PTPN5: variants seen among roughly 807,000 people sequenced by gnomAD.
PTPN5 encodes the protein tyrosine-protein phosphatase non-receptor type 5.
Under a neutral mutation model 73.9 loss-of-function variants are expected in PTPN5, and 29 were observed. The ratio of observed to expected loss-of-function variants is 0.39; its 90% CI spans 0.29 to 0.54. PTPN5 has a LOEUF of 0.54. Ranked by LOEUF, PTPN5 falls within the 20% of genes least tolerant of loss-of-function variation. The pLI is 0.65. For synonymous variants in PTPN5, 267 were observed against 304.7 expected (o/e 0.88, Z 1.29); for missense variants, 652 against 751.4 (o/e 0.87, Z 1.55).
intron 2 of PTPN5, among the ~76,000 whole-genome samples, chr11:18,768,941 C>A (rs375938730): frequency 9.2e-5 from 14 of 152,166 alleles, no homozygotes; most frequent in African/African-American, 3.4e-4. Flanking sequence ...TCCTTCCCCA[C>A]TTCTATCAGC....
chr11:18,749,677 C>T (rs1314645821), intron 3 of PTPN5, among the ~76,000 whole-genome samples: 4 of 152,156 alleles, frequency 2.6e-5, no homozygotes, highest in Non-Finnish European at 5.9e-5. Flanking sequence ...AGGCAAATGG[C>T]CTTCAGATTT....
intron 4 of PTPN5, chr11:18,743,782 T>G: frequency 1.7e-6 from 1 of 587,704 alleles, no homozygotes; most frequent in Non-Finnish European, 2.9e-6. Context: ...GTGTTCTGGA[T>G]TCTTAGGTTA....
Position 18,744,060 on chromosome 11 carries a change from G to T in PTPN5, c.237C>A (p.Ser79Arg), listed in dbSNP as rs1171407632. 5 of 1,609,346 alleles carry T rather than the reference G, an allele frequency of 3.1e-6. No homozygotes were observed. In the South Asian group the frequency reaches 5.5e-5, roughly 18 times the overall value. ...GGCTGCTCCTGACAGTGAGGGAGTG[G>T]CTCCCAGCGCCTCGAGGTGGTGGCT... ...AQKPPPRGAG[S>R]HSLTVRSSLC... is the part of the protein sequence containing the mutation. Residue 79 changes from serine (S) to arginine (R), a missense_variant, in exon 4 of 15, where the codon AGC becomes AGA. Ser to Arg is a moderately radical substitution (Grantham distance 110, BLOSUM62 -1). This residue lies in a region of PTPN5 where 529 missense variants were observed against 573.9 expected (regional missense o/e 0.92). Coordinates refer to ENST00000358540, the MANE Select transcript of PTPN5 (RefSeq NM_006906.2).
chr11:18,776,823 T>A (rs1391994577), intron 1 of PTPN5, among the ~76,000 whole-genome samples: 1 of 151,986 alleles, frequency 6.6e-6, no homozygotes, highest in Non-Finnish European at 1.5e-5. Context: ...TTAAAAAAAA[T>A]GAAAAGTGGG....
At position 18,733,759 on chromosome 11, in the gene PTPN5, C is replaced by G; in HGVS notation, c.1001-124G>C. 1.2e-6 allele frequency: 1 copy of G among 842,124 alleles called. No individual in the cohort carries two copies. Among genetic ancestry groups the G allele is most frequent in the South Asian group, 1.5e-5 (1 of 64,604 alleles). The allele number at this position is 842,124 out of a possible 1,614,324, so 52.2% of individuals were successfully genotyped here. A position where few individuals can be genotyped will look rare whatever the true frequency, so the allele number is the denominator to read the frequency against. Reference sequence around the variant, plus strand: ...CATTAGCAGTTCTTCCTTCCCTTGCCCAGCAGCAAAACATTGACCCATTCA... The same window carrying G: ...CATTAGCAGTTCTTCCTTCCCTTGCGCAGCAGCAAAACATTGACCCATTCA... On this transcript the variant is annotated intron_variant, in intron 9 of 14. Transcript: ENST00000358540. This position sits in a 1 kb window ranked among gnomAD's most constrained non-coding sequence, Gnocchi z 4.3.
chr11:18,780,279 C>CTA (rs1851358469), intron 1 of PTPN5, among the ~76,000 whole-genome samples: 1 of 152,154 alleles, frequency 6.6e-6, no homozygotes, highest in Non-Finnish European at 1.5e-5. Context: ...AGACCCAGAG[C>CTA]CCTAGGAAAG....
intron 4 of PTPN5, 191 bp downstream of exon 4, chr11:18,743,815 A>C: frequency 1.5e-6 from 1 of 648,394 alleles, no homozygotes; most frequent in Non-Finnish European, 2.5e-6. Flanking sequence ...GTGAGGTCTC[A>C]GATGCTGGTG....
chr11:18,736,263 C>T (rs1287543294), intron 9 of PTPN5, among the ~76,000 whole-genome samples: 1 of 152,212 alleles, frequency 6.6e-6, no homozygotes, highest in Non-Finnish European at 1.5e-5. Flanking sequence ...CAGAGCAAGA[C>T]CTCCATCTCT....
At chr11:18,743,239 G>A in intron 5 of PTPN5, 83 bp downstream of exon 5, 1 of 1,376,020 alleles carries the variant, frequency 7.3e-7, no homozygotes, top group Non-Finnish European at 1.0e-6. Context: ...ACTCAGAGAA[G>A]CCCAATCTGG....
Position 18,733,183 on chromosome 11 carries a change from T to C in PTPN5, c.1218+52A>G, listed in dbSNP as rs148160513. 13 of 1,581,974 alleles carry C rather than the reference T, an allele frequency of 8.2e-6. No homozygotes were observed. Among genetic ancestry groups the C allele is most frequent in the Middle Eastern group, 1.7e-4 (1 of 5,960 alleles). On this transcript the variant is annotated intron_variant, in intron 11 of 14. Coordinates refer to ENST00000358540, the MANE Select transcript of PTPN5 (RefSeq NM_006906.2). This position sits in a 1 kb window ranked among gnomAD's most constrained non-coding sequence, Gnocchi z 4.3. ...AAGATTAATTTGAGAACAAGATACT[T>C]AGTGTAGGGCGCAATGTAGCAGACA...
intron 1 of PTPN5, among the ~76,000 whole-genome samples, chr11:18,780,322 A>G (rs986572721): frequency 2.0e-5 from 3 of 152,124 alleles, no homozygotes; most frequent in African/African-American, 7.2e-5. Context: ...TCCACTTCAC[A>G]GGATTTCCCA....
chr11:18,762,279 G>A (rs1049124069), intron 3 of PTPN5, among the ~76,000 whole-genome samples: 5 of 152,236 alleles, frequency 3.3e-5, no homozygotes, highest in Admixed American at 1.3e-4. Context: ...ACTCTGCCTC[G>A]CCTCTGGGTA....
chr11:18,729,890 A>G lies in PTPN5; in HGVS notation c.1330-72T>C. The G allele has an allele frequency of 6.3e-7, 1 of 1,586,560 alleles. No homozygotes were observed. Among genetic ancestry groups the G allele is most frequent in the Non-Finnish European group, 8.7e-7 (1 of 1,155,374 alleles). On this transcript the variant is annotated intron_variant, in intron 12 of 14. Transcript: ENST00000358540. This position sits in a 1 kb window ranked among gnomAD's most constrained non-coding sequence, Gnocchi z 5.2. ...AGCTCACAAACCAGCCCAGAGATAG[A>G]GATGAGATGGAAGGAGGAAGAACAC...
chr11:18,756,230 G>A (rs546280443), intron 3 of PTPN5, among the ~76,000 whole-genome samples: 8 of 150,658 alleles, frequency 5.3e-5, no homozygotes, highest in Admixed American at 1.3e-4. Context: ...TCTGGCTTAT[G>A]TCTGGTTCAG....
intron 4 of PTPN5, 115 bp downstream of exon 4, chr11:18,743,891 C>A: frequency 8.0e-7 from 1 of 1,246,530 alleles, no homozygotes; most frequent in African/African-American, 1.5e-5. Flanking sequence ...CTGAGGAACA[C>A]CAGGGAGGCC....
intron 3 of PTPN5, among the ~76,000 whole-genome samples, chr11:18,746,759 G>A (rs1849662735): frequency 6.6e-6 from 1 of 152,156 alleles, no homozygotes; most frequent in Non-Finnish European, 1.5e-5. Flanking sequence ...CTGACCACCT[G>A]AGCAGTCAGT....
intron 3 of PTPN5, among the ~76,000 whole-genome samples, chr11:18,748,610 T>C (rs538112358): frequency 2.2e-4 from 34 of 152,190 alleles, no homozygotes; most frequent in South Asian, 1.7e-3. Context: ...GGGAGATGCA[T>C]GGACCTCAGG....
intron 1 of PTPN5, among the ~76,000 whole-genome samples, chr11:18,791,275 C>A (rs1340580692): frequency 6.6e-6 from 1 of 152,230 alleles, no homozygotes; most frequent in African/African-American, 2.4e-5. Flanking sequence ...GAACCGCGCA[C>A]GGGCTTCGTG....
intron 4 of PTPN5, 119 bp from the exon 5 acceptor site, chr11:18,743,548 C>T: frequency 1.1e-6 from 1 of 890,548 alleles, no homozygotes; most frequent in Non-Finnish European, 1.8e-6. Flanking sequence ...CCTCTAAGGT[C>T]CAGACCGGGC....
Sources: gnomAD v4.1 joint callset for allele counts (sites outside exome capture counted in the v4.1 genomes callset) on GRCh38, gnomAD v4.1.1 for gene constraint, gnomAD v4.1.1 regional missense constraint, Gnocchi (gnomAD v3.1) non-coding constraint, MANE v1.5 for transcripts, NCBI Gene and HGNC (gene_info 2026-07-23, HGNC 2026-07-21) for gene names.